PARD3: variants seen among roughly 807,000 people sequenced by gnomAD.
PARD3 encodes the protein partitioning defective 3 homolog.
A neutral mutation model predicts 155.4 loss-of-function variants in PARD3; 75 were observed. The ratio of observed to expected loss-of-function variants is 0.48; its 90% confidence interval spans 0.40 to 0.58. The LOEUF (loss-of-function observed/expected upper bound fraction) is 0.58, where lower values mean the gene tolerates loss of function less well. Among genes scored for constraint, PARD3 ranks in the 20% least tolerant of loss-of-function variants. The pLI is 0.00. For synonymous variants in PARD3, 576 were observed against 610.5 expected, an observed-to-expected ratio of 0.94 and a Z score of 0.83; for missense variants, 1,642 against 1,721.7, an observed-to-expected ratio of 0.95 and a Z score of 0.82.
At position 34,612,692 on chromosome 10, in the gene PARD3, T is replaced by A. The variant is rs115422026; in HGVS notation, c.222+83626A>T. Among the ~76,000 whole-genome samples, 258 of 152,316 alleles carry A rather than the reference T, an allele frequency of 1.7e-3. 2 individuals are homozygous for A. The highest frequency in any genetic ancestry group is 6.0e-3 in the African/African-American group (251 of 41,544). ...TAGTGAGGTTTTATGAGCTAATGGCTGCAGAAAGCTTCTTAATGCTGGTAT... is the reference window on the plus strand; with the variant it reads ...TAGTGAGGTTTTATGAGCTAATGGCAGCAGAAAGCTTCTTAATGCTGGTAT... On this transcript the variant is annotated intron_variant, in intron 2 of 24. Transcript: ENST00000374788.
At chr10:34,523,930 C>CT (rs1442321907) in intron 2 of PARD3, among the ~76,000 whole-genome samples, 3 of 152,022 alleles carry the variant, frequency 2.0e-5, no homozygotes, top group Non-Finnish European at 2.9e-5. Flanking sequence ...TTCTTCTGCC[C>CT]TTTCACTCAA....
chr10:34,413,190 A>C (rs893500712), intron 5 of PARD3, among the ~76,000 whole-genome samples: 1 of 140,950 alleles, frequency 7.1e-6, no homozygotes, highest in Admixed American at 6.8e-5. Flanking sequence ...CATATATATA[A>C]GACTTTGTAA....
intron 2 of PARD3, among the ~76,000 whole-genome samples, chr10:34,603,772 A>G (rs2132522411): frequency 6.6e-6 from 1 of 152,352 alleles, no homozygotes; most frequent in African/African-American, 2.4e-5. Context: ...AGAAAACATT[A>G]AATTTGCATG....
intron 2 of PARD3, among the ~76,000 whole-genome samples, chr10:34,522,240 G>A (rs1383538156): frequency 2.0e-5 from 3 of 152,096 alleles, no homozygotes; most frequent in African/African-American, 7.2e-5. Context: ...ATACTACACT[G>A]CCCACCTTGA....
chr10:34,470,073 A>C lies in PARD3; in HGVS notation c.582+12T>G. 1 of 1,582,452 alleles carries C rather than the reference A, an allele frequency of 6.3e-7. No individual in the cohort carries two copies. Among genetic ancestry groups the C allele is most frequent in the South Asian group, 1.2e-5 (1 of 85,536 alleles). ...GGGCAAGAGACAGCAGCAAACAAGC[A>C]GAGGTGGTTACCTTCCTGTCGCAGG... On this transcript the variant is annotated intron_variant, in intron 4 of 24. Coordinates refer to ENST00000374788, the MANE Select transcript of PARD3 (RefSeq NM_001184785.2).
chr10:34,348,773 A>T (rs981605362), intron 14 of PARD3, among the ~76,000 whole-genome samples: 8 of 152,310 alleles, frequency 5.3e-5, no homozygotes, highest in African/African-American at 1.9e-4. Context: ...CAATATGAAA[A>T]TCGGGACCAA....
intron 19 of PARD3, among the ~76,000 whole-genome samples, chr10:34,323,067 A>C (rs184402574): frequency 1.5e-4 from 23 of 152,354 alleles, no homozygotes; most frequent in Admixed American, 1.4e-3. Context: ...TTAGGTAAAA[A>C]GATAATACAA....
chr10:34,317,664 G>A (rs778680208), intron 19 of PARD3, among the ~76,000 whole-genome samples: 15 of 152,116 alleles, frequency 9.9e-5, no homozygotes, highest in African/African-American at 1.9e-4. Context: ...GTTATACAGC[G>A]CAGACCTCTA....
intron 1 of PARD3, among the ~76,000 whole-genome samples, chr10:34,723,306 G>A (rs948186438): frequency 6.6e-6 from 1 of 152,148 alleles, no homozygotes; most frequent in Non-Finnish European, 1.5e-5. Context: ...GGACAAAAAA[G>A]AAATCATATA....
chr10:34,527,023 T>C (rs551996009), intron 2 of PARD3, among the ~76,000 whole-genome samples: 1 of 152,356 alleles, frequency 6.6e-6, no homozygotes, highest in Non-Finnish European at 1.5e-5. Context: ...AGTGGAAAAC[T>C]TTTCATTCTA....
In PARD3 at chr10:34,145,215, A is replaced by T. The variant is rs866641550; in HGVS notation, c.3420-13632T>A. Among the ~76,000 whole-genome samples, 264 of 57,468 alleles carry T rather than the reference A, an allele frequency of 4.6e-3. 2 individuals carry two copies. Among genetic ancestry groups the T allele is most frequent in the African/African-American group, 0.016 (174 of 10,764 alleles). The allele number at this position is 57,468 out of a possible 152,430, so 37.7% of individuals were successfully genotyped here. ...TATATATATATATATATATATATAT[A>T]TATATATTTTTTTTTTTTTTTTTTT... On this transcript the variant is annotated intron_variant, in intron 22 of 24. Coordinates refer to ENST00000374788, the MANE Select transcript of PARD3 (RefSeq NM_001184785.2).
intron 1 of PARD3, among the ~76,000 whole-genome samples, chr10:34,772,727 G>A (rs1839044470): frequency 6.8e-6 from 1 of 146,602 alleles, no homozygotes; most frequent in South Asian, 2.2e-4. Context: ...CCGGGAGGCA[G>A]AGGTTGCAGT....
chr10:34,392,330 C>CT (rs1440225344), intron 7 of PARD3, among the ~76,000 whole-genome samples: 1 of 151,878 alleles, frequency 6.6e-6, no homozygotes, highest in Non-Finnish European at 1.5e-5. Flanking sequence ...AAGCTTTTTC[C>CT]AAAGGATGTT....
At chr10:34,660,245 G>A (rs1281459810) in intron 2 of PARD3, among the ~76,000 whole-genome samples, 1 of 152,060 alleles carries the variant, frequency 6.6e-6, no homozygotes, top group Non-Finnish European at 1.5e-5. Flanking sequence ...CAATTATTGG[G>A]AGAAGATAAT....
At chr10:34,706,467 C>A (rs1428306542) in intron 1 of PARD3, among the ~76,000 whole-genome samples, 1 of 152,192 alleles carries the variant, frequency 6.6e-6, no homozygotes, top group Non-Finnish European at 1.5e-5. Context: ...AAGATCCAGG[C>A]CAGGCGTGGT....
intron 15 of PARD3, chr10:34,346,111 A>G: frequency 9.9e-7 from 1 of 1,006,366 alleles, no homozygotes; most frequent in Non-Finnish European, 1.2e-6. Flanking sequence ...GAACTGGGAG[A>G]GAAGTTACTG....
intron 5 of PARD3, among the ~76,000 whole-genome samples, chr10:34,406,424 T>C (rs1193965937): frequency 1.3e-5 from 2 of 151,998 alleles, no homozygotes; most frequent in African/African-American, 2.4e-5. Flanking sequence ...ACGGGAGAAA[T>C]GGCAGTTTAA....
chr10:34,190,424 C>A (rs1430492593), intron 22 of PARD3, among the ~76,000 whole-genome samples: 1 of 152,084 alleles, frequency 6.6e-6, no homozygotes, highest in Non-Finnish European at 1.5e-5. Context: ...TTAATAAGTT[C>A]ATTATTGTTC....
intron 1 of PARD3, among the ~76,000 whole-genome samples, chr10:34,795,481 G>C (rs943948272): frequency 6.6e-6 from 1 of 152,068 alleles, no homozygotes; most frequent in African/African-American, 2.4e-5. Flanking sequence ...ATGGTGGCAC[G>C]CATCTGTAGT....
Sources: gnomAD v4.1 joint callset for allele counts (sites outside exome capture counted in the v4.1 genomes callset) on GRCh38, gnomAD v4.1.1 for gene constraint, MANE v1.5 for transcripts, NCBI Gene and HGNC (gene_info 2026-07-23, HGNC 2026-07-21) for gene names.